ZNF100: variants seen among roughly 807,000 people sequenced by gnomAD.
ZNF100 encodes zinc finger protein 100, also known as zinc finger protein 100 (Y1).
A neutral mutation model predicts 15.8 loss-of-function variants in ZNF100; 12 were observed. The ratio of observed to expected loss-of-function variants is 0.76; its 90% CI spans 0.49 to 1.23. ZNF100 has a LOEUF of 1.23. ZNF100 is among the 50% of genes most tolerant of loss of function. The probability of loss-of-function intolerance (pLI) is 0.00; values close to 1 mark genes in which losing one functional copy is unlikely to be tolerated. For synonymous variants in ZNF100, 226 were observed against 214.8 expected (o/e 1.05, Z -0.45); for missense variants, 670 against 635.6 (o/e 1.05, Z -0.58).
At position 21,723,935 on chromosome 19, in the gene ZNF100, A is replaced by C. The variant is rs1452475943; in HGVS notation, c.*2748T>G. 1 of 152,258 alleles carries C rather than the reference A, an allele frequency of 6.6e-6. No homozygotes were observed. The highest frequency in any genetic ancestry group is 1.5e-5 in the Non-Finnish European group (1 of 68,046). 9.4% of individuals were successfully genotyped at this position (152,258 alleles called of 1,614,324 possible). ...ACAAAATGAAGTGTTCTAACTAAAT[A>C]AAATGTAACTTAATACACTAATTGT... On this transcript the variant is annotated 3_prime_UTR_variant, in exon 5 of 5. Coordinates refer to ENST00000358296, the MANE Select transcript of ZNF100 (RefSeq NM_173531.4).
At chr19:21,732,758 C>T (rs2035942288) in intron 4 of ZNF100, among the ~76,000 whole-genome samples, 1 of 151,660 alleles carries the variant, frequency 6.6e-6, no homozygotes, top group African/African-American at 2.4e-5. Flanking sequence ...AAAAGTAATA[C>T]AGAGGTAACT....
At chr19:21,756,074 A>G (rs544007460) in intron 2 of ZNF100, among the ~76,000 whole-genome samples, 3 of 152,288 alleles carry the variant, frequency 2.0e-5, no homozygotes, top group Admixed American at 6.5e-5. Flanking sequence ...TTAAAAGAGG[A>G]AAAAAATGTT....
rs1392605037 is a variant in ZNF100, at chr19:21,722,805, GTA to G, written c.*3876_*3877del. 3.6e-5 allele frequency: 5 copies of G among 140,674 alleles called. No individual in the cohort carries two copies. Among genetic ancestry groups the G allele is most frequent in the African/African-American group, 5.2e-5 (2 of 38,688 alleles). The allele number at this position is 140,674 out of a possible 1,614,324, so 8.7% of individuals were successfully genotyped here. ...TATATAAGTATATATTTTAATAAAA[GTA>G]TGTTACATAATAAAAAATAAATTTA... On this transcript the variant is annotated 3_prime_UTR_variant, in exon 5 of 5. Transcript: ENST00000358296.
At chr19:21,744,665 C>T (rs921372516) in intron 3 of ZNF100, among the ~76,000 whole-genome samples, 7 of 151,746 alleles carry the variant, frequency 4.6e-5, no homozygotes, top group East Asian at 1.9e-4. Flanking sequence ...CCACCATGCC[C>T]GGCCTAAAAA....
intron 4 of ZNF100, among the ~76,000 whole-genome samples, chr19:21,732,985 A>G (rs2035944883): frequency 6.6e-6 from 1 of 152,206 alleles, no homozygotes; most frequent in Admixed American, 6.5e-5. Flanking sequence ...CTACAGCTTT[A>G]GGAAGCCAAG....
At chr19:21,728,189 G>T (rs1219957483) in intron 4 of ZNF100, among the ~76,000 whole-genome samples, 200 bp from the exon 5 acceptor site, 1 of 151,136 alleles carries the variant, frequency 6.6e-6, no homozygotes, top group African/African-American at 2.4e-5. Context: ...AGTTAAGTGT[G>T]TGAAGTGCCC....
In ZNF100 at chr19:21,726,332, G is replaced by GT. The variant is rs1259486388; in HGVS notation, c.*350dup. On this transcript the variant is annotated 3_prime_UTR_variant, in exon 5 of 5. Transcript: ENST00000358296. ...CTTTCCTGTGAAGGTGTGAGCATTA[G>GT]TTAAAAGTTTTGTCACACTGTTCAC... The GT allele has an allele frequency of 4.2e-5, 9 of 215,298 alleles. No individual in the cohort carries two copies. 13.3% of individuals were successfully genotyped at this position (215,298 alleles called of 1,614,324 possible).
At chr19:21,750,676 C>G (rs1344154690) in intron 2 of ZNF100, 3 of 237,532 alleles carry the variant, frequency 1.3e-5, no homozygotes, top group Non-Finnish European at 8.0e-6. Context: ...AGGCCGGAGC[C>G]CTGCCCGGGG....
rs2036523833 is a variant in ZNF100 at position 21,764,141 on chromosome 19, G to GA, written c.96+1552dup. ...GGACATCTGCAGGAGAGACTCCCCA[G>GA]AAAAAACTAACAAGGCCGTTATTAA... On this transcript the variant is annotated intron_variant, in intron 2 of 4. Coordinates refer to ENST00000358296, the MANE Select transcript of ZNF100 (RefSeq NM_173531.4). Among the ~76,000 whole-genome samples, 6 of 152,192 alleles carry GA rather than the reference G, an allele frequency of 3.9e-5. No individual in the cohort carries two copies. In the South Asian group the frequency reaches 1.2e-3, roughly 32 times the overall value.
At chr19:21,765,092 C>T (rs1426371003) in intron 2 of ZNF100, among the ~76,000 whole-genome samples, 1 of 152,142 alleles carries the variant, frequency 6.6e-6, no homozygotes, top group African/African-American at 2.4e-5. Flanking sequence ...AAATTTTTGA[C>T]AAATGAAATA....
intron 2 of ZNF100, chr19:21,750,796 T>G: frequency 7.5e-6 from 3 of 397,956 alleles, no homozygotes; most frequent in South Asian, 8.2e-5. Flanking sequence ...GGGCGGCGAG[T>G]AGGGGGCTAG....
chr19:21,742,576 A>G (rs2036136242), intron 4 of ZNF100, among the ~76,000 whole-genome samples: 1 of 152,020 alleles, frequency 6.6e-6, no homozygotes, highest in Non-Finnish European at 1.5e-5. Context: ...ATGCAAAACT[A>G]TATTGTGCCC....
At chr19:21,757,166 G>C (rs964667621) in intron 2 of ZNF100, among the ~76,000 whole-genome samples, 1 of 152,218 alleles carries the variant, frequency 6.6e-6, no homozygotes, top group Non-Finnish European at 1.5e-5. Context: ...AGCTGGGCAA[G>C]GTGGCACATG....
intron 4 of ZNF100, among the ~76,000 whole-genome samples, chr19:21,739,271 T>C (rs540902333): frequency 2.0e-5 from 3 of 152,348 alleles, no homozygotes; most frequent in East Asian, 1.9e-4. Context: ...ACAAGTCTTA[T>C]TGAAGAATAC....
chr19:21,756,552 T>C (rs1046663096), intron 2 of ZNF100, among the ~76,000 whole-genome samples: 1 of 152,130 alleles, frequency 6.6e-6, no homozygotes, highest in African/African-American at 2.4e-5. Context: ...AAGATCTCTA[T>C]GACAAGATGA....
At chr19:21,742,723 A>T (rs1241433125) in intron 4 of ZNF100, among the ~76,000 whole-genome samples, 1 of 152,176 alleles carries the variant, frequency 6.6e-6, no homozygotes, top group African/African-American at 2.4e-5. Flanking sequence ...TATATAAAAA[A>T]ACCATAAACA....
chr19:21,742,906 C>T (rs1382321610), intron 4 of ZNF100, among the ~76,000 whole-genome samples: 1 of 151,680 alleles, frequency 6.6e-6, no homozygotes, highest in Non-Finnish European at 1.5e-5. Flanking sequence ...GAAATTTAAC[C>T]AAGAAGGTAA....
intron 2 of ZNF100, among the ~76,000 whole-genome samples, chr19:21,764,416 G>A (rs1235077169): frequency 6.6e-6 from 1 of 151,998 alleles, no homozygotes; most frequent in African/African-American, 2.4e-5. Flanking sequence ...GGCCAAGGCG[G>A]GCAGATCGCG....
chr19:21,728,062 A>G, intron 4 of ZNF100, 73 bp from the exon 5 acceptor site: 1 of 1,308,026 alleles, frequency 7.6e-7, no homozygotes, highest in Non-Finnish European at 9.9e-7. Context: ...CCTCTAATAT[A>G]CAAACTACAT....
Sources: gnomAD v4.1 joint callset for allele counts (sites outside exome capture counted in the v4.1 genomes callset) on GRCh38, gnomAD v4.1.1 for gene constraint, MANE v1.5 for transcripts, NCBI Gene and HGNC (gene_info 2026-07-23, HGNC 2026-07-21) for gene names.